The following UPF1 variants were observed in gnomAD, a reference collection of about 807,000 sequenced individuals.
UPF1 encodes the protein regulator of nonsense transcripts 1.
Under a neutral mutation model 129.2 loss-of-function variants are expected in UPF1, and 9 were observed. The ratio of observed to expected loss-of-function variants is 0.07; its 90% confidence interval spans 0.04 to 0.12. The LOEUF (loss-of-function observed/expected upper bound fraction) is 0.12, where lower values mean the gene tolerates loss of function less well. Ranked by LOEUF, UPF1 falls within the 10% of genes least tolerant of loss-of-function variation. UPF1 has a pLI of 1.00. For missense variants in UPF1, 788 were observed against 1,525.3 expected, an observed-to-expected ratio of 0.52 and a Z score of 8.05; for synonymous variants, 649 against 644.9, an observed-to-expected ratio of 1.01 and a Z score of -0.10.
intron 1 of UPF1, among the ~76,000 whole-genome samples, chr19:18,838,790 C>A (rs1202395813): frequency 6.6e-6 from 1 of 152,168 alleles, no homozygotes; most frequent in African/African-American, 2.4e-5. Context: ...AGCACTTACC[C>A]CTTAGTAGAC....
intron 1 of UPF1, among the ~76,000 whole-genome samples, chr19:18,835,556 G>A (rs1042663831): frequency 1.3e-5 from 2 of 152,074 alleles, no homozygotes; most frequent in Non-Finnish European, 2.9e-5. Context: ...TTGGCCAGAT[G>A]GTCTTGATTT....
chr19:18,837,029 G>A (rs1482185021), intron 1 of UPF1, among the ~76,000 whole-genome samples: 1 of 152,036 alleles, frequency 6.6e-6, no homozygotes, highest in Non-Finnish European at 1.5e-5. Context: ...TGGGATTACA[G>A]CCGTGAGCCA....
rs2055687227 is a variant in UPF1, at chr19:18,853,901, CAG to C, written c.1156+553_1156+554del. ...AGTCCTGGGAGAAGACACCGCGGGT[CAG>C]ACTCAGGCTGCCTCTTGGTGACTGG... is the stretch of plus-strand genomic sequence containing the variant. On this transcript the variant is annotated intron_variant, in intron 8 of 23. Coordinates refer to ENST00000262803, the MANE Select transcript of UPF1 (RefSeq NM_002911.4). This position sits in a 1 kb window ranked among gnomAD's most constrained non-coding sequence, Gnocchi z 4.4. Among the ~76,000 whole-genome samples the C allele has an allele frequency of 6.6e-6, 1 of 152,160 alleles. No homozygotes were observed. Among genetic ancestry groups the C allele is most frequent in the African/African-American group, 2.4e-5 (1 of 41,434 alleles).
chr19:18,855,722 C>T (rs1233957280), intron 11 of UPF1: 2 of 687,702 alleles, frequency 2.9e-6, no homozygotes, highest in Non-Finnish European at 4.7e-6. Flanking sequence ...GTGGCGTGCA[C>T]CTGTGGTCCC....
At chr19:18,848,218 G>A (rs2055620482) in intron 3 of UPF1, 5 of 219,290 alleles carry the variant, frequency 2.3e-5, no homozygotes, top group African/African-American at 7.0e-5. Flanking sequence ...TGAGCTCATC[G>A]GAGCTGTCCG....
intron 15 of UPF1, among the ~76,000 whole-genome samples, chr19:18,858,008 A>G (rs62138061): frequency 0.051 from 7,832 of 152,324 alleles, 271 homozygotes; most frequent in Non-Finnish European, 0.082. Flanking sequence ...TGCTTCTGCA[A>G]GAGTCAGCCC....
In UPF1 at chr19:18,865,520, C is replaced by T. The variant is rs1568284978; in HGVS notation, c.3020-41C>T. 1 of 1,613,042 alleles carries T rather than the reference C, an allele frequency of 6.2e-7. No individual in the cohort carries two copies. On this transcript the variant is annotated intron_variant, in intron 21 of 23. Transcript: ENST00000262803. This position sits in a 1 kb window ranked among gnomAD's most constrained non-coding sequence, Gnocchi z 6.1. ...CTTGAGGGTGTGCTTGTCTGCGAGG[C>T]CCTGGCCTCCTTCGGATCACCCTGG...
Position 18,853,069 on chromosome 19 carries a change from C to G in UPF1, c.1055C>G (p.Ser352Cys). ...TACTTCACTTTGCCCAAGACTGACT[C>G]TGGTAATGAGGATTTAGTCATAATT... ...IAYFTLPKTDSDMRLMQGDEI... is the reference protein window; with the variant it reads ...IAYFTLPKTDCDMRLMQGDEI... Residue 352 changes from serine (S) to cysteine (C), a missense_variant and splice_region_variant, in exon 7 of 24, where the codon TCT (serine) becomes TGT (cysteine). By Grantham distance (112) the Ser-to-Cys change is moderately radical (BLOSUM62 -1). Coordinates refer to ENST00000262803, the MANE Select transcript of UPF1 (RefSeq NM_002911.4). The surrounding 1 kb of genome is among the most constrained non-coding windows in gnomAD (Gnocchi z 4.4). 6.2e-7 allele frequency: 1 copy of G among 1,614,130 alleles called. No individual in the cohort carries two copies.
rs1443944755 is a variant in UPF1, at chr19:18,867,954, G to A, written c.*1437G>A. ...ACTCTTATTTATTCCCATTGCTCTA[G>A]GGCTTTCGGTTTCCCCTTCTTCCGG... On this transcript the variant is annotated 3_prime_UTR_variant, in exon 24 of 24. Transcript: ENST00000262803. The A allele has an allele frequency of 6.5e-6, 1 of 153,900 alleles. No homozygotes were observed. The highest frequency in any genetic ancestry group is 1.9e-4 in the East Asian group (1 of 5,270). The allele number at this position is 153,900 out of a possible 1,614,324, so 9.5% of individuals were successfully genotyped here.
intron 1 of UPF1, among the ~76,000 whole-genome samples, chr19:18,844,327 CTT>C (rs58392919): frequency 7.1e-6 from 1 of 140,120 alleles, no homozygotes; most frequent in Non-Finnish European, 1.5e-5. Context: ...TTTCTTTTTT[CTT>C]TTTTTTTTTG....
intron 16 of UPF1, 95 bp downstream of exon 16, chr19:18,860,533 CTTT>C (rs1241260581): frequency 1.6e-6 from 2 of 1,259,836 alleles, no homozygotes. Context: ...GGGACTGAAA[CTTT>C]TTTTGCCTTC....
chr19:18,851,682 G>C lies in UPF1; in HGVS notation c.811-453G>C, dbSNP rs529231093. On this transcript the variant is annotated intron_variant, in intron 5 of 23. Transcript: ENST00000262803. This position sits in a 1 kb window ranked among gnomAD's most constrained non-coding sequence, Gnocchi z 4.2. ...TGGCTCAGGGTTAGCAGACGTGGGA[G>C]ACAGGCCTCCCGGGCTGTGGACACA... Among the ~76,000 whole-genome samples the C allele has an allele frequency of 2.6e-4, 40 of 152,370 alleles. No homozygotes were observed. The East Asian group carries it at 7.5e-3, about 29-fold the overall frequency.
chr19:18,866,345 C>G (rs2055844188), intron 23 of UPF1, among the ~76,000 whole-genome samples, 176 bp from the exon 24 acceptor site: 1 of 152,190 alleles, frequency 6.6e-6, no homozygotes, highest in Non-Finnish European at 1.5e-5. Context: ...GTCAGGGTGG[C>G]TCCTCACCCC....
Position 18,850,928 on chromosome 19 carries a change from A to T in UPF1, c.810+60A>T, listed in dbSNP as rs1601110628. ...TGTGGTTTCTGGTTGCGGGGAGGGG[A>T]GTGTCTTCAGAGACGGCTTGACCCA... On this transcript the variant is annotated intron_variant, in intron 5 of 23. Coordinates refer to ENST00000262803, the MANE Select transcript of UPF1 (RefSeq NM_002911.4). The surrounding 1 kb of genome is among the most constrained non-coding windows in gnomAD (Gnocchi z 7.1). 8 of 1,464,120 alleles carry T rather than the reference A, an allele frequency of 5.5e-6. No homozygotes were observed. The South Asian group carries it at 1.1e-4, about 21-fold the overall frequency. 90.7% of individuals were successfully genotyped at this position (1,464,120 alleles called of 1,614,324 possible). A position where few individuals can be genotyped will look rare whatever the true frequency, so the allele number is the denominator to read the frequency against.
intron 15 of UPF1, chr19:18,859,819 C>T (rs1343630131): frequency 1.3e-5 from 2 of 153,068 alleles, no homozygotes. Flanking sequence ...CGCCCCGGCC[C>T]CCAAGCTGCA....
chr19:18,833,401 A>C (rs1442109964), intron 1 of UPF1: 1 of 152,206 alleles, frequency 6.6e-6, no homozygotes, highest in Non-Finnish European at 1.5e-5. Context: ...AGACAGCAAT[A>C]ATGGCTTTAC....
In UPF1 at chr19:18,851,556, C is replaced by T. The variant is rs2055659107; in HGVS notation, c.811-579C>T. On this transcript the variant is annotated intron_variant, in intron 5 of 23. Coordinates refer to ENST00000262803, the MANE Select transcript of UPF1 (RefSeq NM_002911.4). The surrounding 1 kb of genome is among the most constrained non-coding windows in gnomAD (Gnocchi z 4.2). ...GGTTGCCAGATGATTTCATGATTCCCGTTTATATCTGAACAGCCCAGAAAA... is the reference window on the plus strand; with the variant it reads ...GGTTGCCAGATGATTTCATGATTCCTGTTTATATCTGAACAGCCCAGAAAA... 6.6e-6 allele frequency among the ~76,000 whole-genome samples: 1 copy of T among 152,110 alleles called. No homozygotes were observed. Among genetic ancestry groups the T allele is most frequent in the African/African-American group, 2.4e-5 (1 of 41,376 alleles).
intron 1 of UPF1, among the ~76,000 whole-genome samples, chr19:18,837,005 A>G (rs910592096): frequency 1.3e-5 from 2 of 151,498 alleles, no homozygotes; most frequent in East Asian, 3.9e-4. Flanking sequence ...GCCCTCCTCT[A>G]CCTCCTAAAG....
rs748038331 is a variant in UPF1, at chr19:18,853,260, C to G, written c.1066C>G (p.Leu356Val). Residue 356 changes from leucine to valine, a missense_variant, in exon 8 of 24, where the codon CTC (leucine) becomes GTC (valine). By Grantham distance (32) the Leu-to-Val change is conservative. This residue lies in a region of UPF1 where 227 missense variants were observed against 517.9 expected (regional missense o/e 0.44). Transcript: ENST00000262803. This position sits in a 1 kb window ranked among gnomAD's most constrained non-coding sequence, Gnocchi z 4.4. Reference sequence around the variant, plus strand: ...CACTTTTTTACCTCAAGACATGCGGCTCATGCAGGGGGATGAGATATGCCT... The same window carrying G: ...CACTTTTTTACCTCAAGACATGCGGGTCATGCAGGGGGATGAGATATGCCT... ...TLPKTDSDMR[L>V]MQGDEICLRY... 6.2e-7 allele frequency: 1 copy of G among 1,611,676 alleles called. No individual in the cohort carries two copies. The highest frequency in any genetic ancestry group is 8.5e-7 in the Non-Finnish European group (1 of 1,178,572).
Sources: gnomAD v4.1 joint callset for allele counts (sites outside exome capture counted in the v4.1 genomes callset) on GRCh38, gnomAD v4.1.1 for gene constraint, gnomAD v4.1.1 regional missense constraint, Gnocchi (gnomAD v3.1) non-coding constraint, MANE v1.5 for transcripts, NCBI Gene and HGNC (gene_info 2026-07-23, HGNC 2026-07-21) for gene names.